Variants in STK32C observed in about 807,000 individuals in gnomAD.
STK32C encodes the protein serine/threonine-protein kinase 32C.
STK32C carries 31 observed loss-of-function variants against 56.5 expected under a neutral mutation model. That is an observed-to-expected ratio of 0.55 (90% CI 0.41 to 0.74). STK32C has a LOEUF of 0.74. Among genes scored for constraint, STK32C ranks in the 30% least tolerant of loss-of-function variants. STK32C has a pLI of 0.00. For missense variants in STK32C, 544 were observed against 676.9 expected (o/e 0.80, Z 2.18); for synonymous variants, 309 against 289.4 (o/e 1.07, Z -0.69).
At chr10:132,268,178 T>C (rs1415444352) in intron 1 of STK32C, among the ~76,000 whole-genome samples, 1 of 147,670 alleles carries the variant, frequency 6.8e-6, no homozygotes, top group Non-Finnish European at 1.5e-5. Context: ...TGCATGCATG[T>C]GTATGCAGGT....
At chr10:132,232,506 C>T (rs972231529) in intron 2 of STK32C, among the ~76,000 whole-genome samples, 4 of 152,222 alleles carry the variant, frequency 2.6e-5, no homozygotes, top group South Asian at 2.1e-4. Context: ...GACTGGAAAC[C>T]GGCGGCCTTT....
rs377544275 is a variant in STK32C at position 132,230,679 on chromosome 10, C to CGG, written c.319-2553_319-2552dup. Among the ~76,000 whole-genome samples the CGG allele has an allele frequency of 8.0e-3, 399 of 49,590 alleles. 9 individuals carry two copies. Among genetic ancestry groups the CGG allele is most frequent in the South Asian group, 0.021 (25 of 1,176 alleles). The allele number at this position is 49,590 out of a possible 152,430, so 32.5% of individuals were successfully genotyped here. A position where few individuals can be genotyped will look rare whatever the true frequency, so the allele number is the denominator to read the frequency against. On this transcript the variant is annotated intron_variant, in intron 2 of 11. Transcript: ENST00000298630. Reference sequence around the variant, plus strand: ...CTCTTGCTGCTGGGGGGGAAGCTGGCGGGGGGGGGGGGGCTGCAGAGCCCA... The same window carrying CGG: ...CTCTTGCTGCTGGGGGGGAAGCTGGCGGGGGGGGGGGGGGGCTGCAGAGCCCA...
intron 1 of STK32C, among the ~76,000 whole-genome samples, chr10:132,315,318 G>A (rs1489469996): frequency 6.6e-6 from 1 of 152,086 alleles, no homozygotes; most frequent in South Asian, 2.1e-4. Flanking sequence ...GGCCTGCTGG[G>A]GGTTTGGGGG....
chr10:132,326,896 T>C (rs1437782589), intron 1 of STK32C, among the ~76,000 whole-genome samples: 1 of 152,138 alleles, frequency 6.6e-6, no homozygotes, highest in Non-Finnish European at 1.5e-5. Flanking sequence ...TTGTTTTTGG[T>C]TTACAATGTA....
At chr10:132,209,692 A>AG (rs2062228700) in intron 10 of STK32C, among the ~76,000 whole-genome samples, 1 of 148,186 alleles carries the variant, frequency 6.7e-6, no homozygotes, top group African/African-American at 2.5e-5. Flanking sequence ...GGTGGGGTGG[A>AG]GGGGGTGCTG....
At chr10:132,235,018 C>T (rs1321417798) in intron 2 of STK32C, among the ~76,000 whole-genome samples, 2 of 152,076 alleles carry the variant, frequency 1.3e-5, no homozygotes, top group African/African-American at 2.4e-5. Flanking sequence ...CTGGTGTGAG[C>T]GGTGTGAGCA....
intron 2 of STK32C, among the ~76,000 whole-genome samples, chr10:132,241,883 G>A (rs1199987568): frequency 6.6e-6 from 1 of 152,190 alleles, no homozygotes; most frequent in Non-Finnish European, 1.5e-5. Context: ...GAGGTGGGCA[G>A]ATCTCTTGAG....
chr10:132,242,194 G>GC (rs2063525868), intron 2 of STK32C, among the ~76,000 whole-genome samples: 1 of 152,176 alleles, frequency 6.6e-6, no homozygotes, highest in South Asian at 2.1e-4. Context: ...AGTGCTGGGT[G>GC]CAGACGGCCT....
intron 1 of STK32C, among the ~76,000 whole-genome samples, chr10:132,285,850 G>A (rs755240380): frequency 1.3e-5 from 2 of 152,184 alleles, no homozygotes; most frequent in African/African-American, 2.4e-5. Context: ...GGCCAGTCGC[G>A]GTGGCTCACG....
intron 1 of STK32C, chr10:132,331,313 G>A: frequency 1.0e-6 from 1 of 953,242 alleles, no homozygotes; most frequent in South Asian, 1.7e-5. Context: ...ATTATCAGTT[G>A]GATCCTGGAA....
At chr10:132,211,794 G>A (rs1532186) in intron 10 of STK32C, among the ~76,000 whole-genome samples, 124,657 of 152,142 alleles carry the variant, frequency 0.82, 51,219 homozygotes, top group East Asian at 0.96. Context: ...CTCTTGAACC[G>A]CAAGTGACGC....
chr10:132,296,978 C>T (rs1385951930), intron 1 of STK32C, among the ~76,000 whole-genome samples: 2 of 152,342 alleles, frequency 1.3e-5, no homozygotes, highest in East Asian at 1.9e-4. Context: ...GACAGGGAGG[C>T]GGACATCGCC....
At chr10:132,266,717 C>T (rs959528307) in intron 1 of STK32C, among the ~76,000 whole-genome samples, 16 of 150,576 alleles carry the variant, frequency 1.1e-4, no homozygotes, top group Admixed American at 2.0e-4. Flanking sequence ...GTGGGGGAGG[C>T]GCTGGGCAAG....
At chr10:132,250,024 G>C (rs556437736) in intron 1 of STK32C, among the ~76,000 whole-genome samples, 1 of 152,386 alleles carries the variant, frequency 6.6e-6, no homozygotes, top group African/African-American at 2.4e-5. Context: ...GGAGCAATAT[G>C]TAATCAGCCT....
At chr10:132,224,316 T>C (rs892545763) in intron 8 of STK32C, 91 bp downstream of exon 8, 1 of 918,116 alleles carries the variant, frequency 1.1e-6, no homozygotes, top group African/African-American at 1.6e-5. Context: ...CGGCACTAAC[T>C]GTGCACTGGA....
In STK32C at chr10:132,255,820, G is replaced by A. The variant is rs1179330302; in HGVS notation, c.263-9865C>T. On this transcript the variant is annotated intron_variant, in intron 1 of 11. Transcript: ENST00000298630. The surrounding 1 kb of genome is among the most constrained non-coding windows in gnomAD (Gnocchi z 4.6). ...GGTCATGCCTGGGTGCCAGCACCAT[G>A]GCCCAGCATTACGTGCGCTGCCCAC... Among the ~76,000 whole-genome samples, 8 of 152,316 alleles carry A rather than the reference G, an allele frequency of 5.3e-5. No homozygotes were observed. Among genetic ancestry groups the A allele is most frequent in the Admixed American group, 3.9e-4 (6 of 15,306 alleles).
At position 132,245,969 on chromosome 10, in the gene STK32C, C is replaced by G; in HGVS notation, c.263-14G>C. On this transcript the variant is annotated splice_polypyrimidine_tract_variant and intron_variant, in intron 1 of 11. Coordinates refer to ENST00000298630, the MANE Select transcript of STK32C (RefSeq NM_173575.4). ...GGTCGAAGTTCACTGCAGGATAAAA[C>G]AGAGGGACACCTGGTGAGGTGGCAG... 2 of 1,613,416 alleles carry G rather than the reference C, an allele frequency of 1.2e-6. No individual in the cohort carries two copies. Among genetic ancestry groups the G allele is most frequent in the Non-Finnish European group, 1.7e-6 (2 of 1,179,944 alleles).
At chr10:132,224,385 A>G in intron 8 of STK32C, 22 bp downstream of exon 8, 1 of 1,521,300 alleles carries the variant, frequency 6.6e-7, no homozygotes, top group Non-Finnish European at 8.9e-7. Context: ...GAGGGTGAGG[A>G]GGCTCAGGGA....
intron 1 of STK32C, chr10:132,249,110 C>A (rs764684965): frequency 4.3e-6 from 2 of 464,302 alleles, no homozygotes; most frequent in Non-Finnish European, 8.6e-6. Flanking sequence ...AAGGCGCATG[C>A]GTGCCGGGGC....
Sources: allele counts gnomAD v4.1 joint callset (sites outside exome capture counted in the v4.1 genomes callset), GRCh38; gene constraint gnomAD v4.1.1; non-coding constraint Gnocchi (gnomAD v3.1); transcripts MANE v1.5; gene names NCBI Gene and HGNC (gene_info 2026-07-23, HGNC 2026-07-21).